The following GPC6 variants were observed in gnomAD, a reference collection of about 807,000 sequenced individuals.
The protein encoded by GPC6 is glypican 6.
Under a neutral mutation model 55.2 loss-of-function variants are expected in GPC6, and 14 were observed. That is an observed-to-expected ratio of 0.25 (90% CI 0.17 to 0.40). The LOEUF (loss-of-function observed/expected upper bound fraction) is 0.40, where lower values mean the gene tolerates loss of function less well. Among genes scored for constraint, GPC6 ranks in the 10% least tolerant of loss-of-function variants. GPC6 has a pLI of 1.00. For synonymous variants in GPC6, 278 were observed against 259.6 expected (o/e 1.07, Z -0.68); for missense variants, 641 against 708.5 (o/e 0.90, Z 1.08).
intron 3 of GPC6, among the ~76,000 whole-genome samples, chr13:93,892,296 TG>T (rs80027358): frequency 0.24 from 36,149 of 152,074 alleles, 4,803 homozygotes; most frequent in East Asian, 0.34. Context: ...ATATTTACAG[TG>T]AAAGTTCCTA....
Position 93,426,490 on chromosome 13 carries a change from G to C in GPC6, c.161-118773G>C, listed in dbSNP as rs902647521. Among the ~76,000 whole-genome samples the C allele has an allele frequency of 2.9e-4, 5 of 17,272 alleles. No individual in the cohort carries two copies. In the Non-Finnish European group the frequency reaches 0.014, roughly 50 times the overall value. 11.3% of individuals were successfully genotyped at this position (17,272 alleles called of 152,430 possible). A position where few individuals can be genotyped will look rare whatever the true frequency, so the allele number is the denominator to read the frequency against. On this transcript the variant is annotated intron_variant, in intron 1 of 8. Coordinates refer to ENST00000377047, the MANE Select transcript of GPC6 (RefSeq NM_005708.5). ...CTATGAGTGAGAATATGCAGTGTTTGGTTTTTTTGTTCTTGCGATAGTTTA... is the reference window on the plus strand; with the variant it reads ...CTATGAGTGAGAATATGCAGTGTTTCGTTTTTTTGTTCTTGCGATAGTTTA...
At chr13:93,364,926 C>G (rs1341903957) in intron 1 of GPC6, among the ~76,000 whole-genome samples, 1 of 151,852 alleles carries the variant, frequency 6.6e-6, no homozygotes, top group African/African-American at 2.4e-5. Flanking sequence ...TGGATCCTCC[C>G]CATCTTGTCT....
intron 3 of GPC6, among the ~76,000 whole-genome samples, chr13:93,910,300 C>T (rs1319030421): frequency 2.0e-5 from 3 of 152,128 alleles, no homozygotes; most frequent in Non-Finnish European, 4.4e-5. Context: ...TTGCCCACCA[C>T]CATGTGAGAA....
chr13:93,434,114 G>C (rs1284482675), intron 1 of GPC6, among the ~76,000 whole-genome samples: 1 of 152,200 alleles, frequency 6.6e-6, no homozygotes, highest in Admixed American at 6.5e-5. Flanking sequence ...TCCAGGGACT[G>C]CTTTGGCTCT....
chr13:93,360,264 G>A (rs1880998452), intron 1 of GPC6, among the ~76,000 whole-genome samples: 1 of 152,174 alleles, frequency 6.6e-6, no homozygotes, highest in African/African-American at 2.4e-5. Flanking sequence ...GATGGATTCA[G>A]AGACCAGACT....
chr13:94,246,496 T>G (rs1337337611), intron 4 of GPC6, among the ~76,000 whole-genome samples: 1 of 152,090 alleles, frequency 6.6e-6, no homozygotes, highest in Non-Finnish European at 1.5e-5. Context: ...TTTCAGATCT[T>G]ACATTTCAGA....
intron 2 of GPC6, among the ~76,000 whole-genome samples, chr13:93,577,250 G>T (rs1876710340): frequency 6.6e-6 from 1 of 152,110 alleles, no homozygotes; most frequent in South Asian, 2.1e-4. Context: ...ATGCCCACGG[G>T]TTCTCTAAAA....
At chr13:93,431,335 T>A (rs1877351393) in intron 1 of GPC6, among the ~76,000 whole-genome samples, 1 of 152,084 alleles carries the variant, frequency 6.6e-6, no homozygotes, top group Non-Finnish European at 1.5e-5. Flanking sequence ...AAAGGACACA[T>A]TTACTTAGAA....
intron 2 of GPC6, among the ~76,000 whole-genome samples, chr13:93,696,692 G>A (rs981553984): frequency 5.3e-5 from 8 of 149,546 alleles, no homozygotes; most frequent in Non-Finnish European, 1.0e-4. Context: ...CAGGATCTCA[G>A]CTTGCTGCAA....
chr13:94,355,141 A>C (rs1878732003), intron 6 of GPC6, among the ~76,000 whole-genome samples: 1 of 151,812 alleles, frequency 6.6e-6, no homozygotes, highest in Admixed American at 6.6e-5. Flanking sequence ...CTCCTGCCTC[A>C]GCCCCCCAAG....
chr13:94,124,239 G>A (rs1322590186), intron 4 of GPC6, among the ~76,000 whole-genome samples: 1 of 151,994 alleles, frequency 6.6e-6, no homozygotes, highest in Non-Finnish European at 1.5e-5. Context: ...TTACTTACAT[G>A]CCATTCAAAT....
At chr13:93,841,295 C>T (rs1887945413) in intron 3 of GPC6, among the ~76,000 whole-genome samples, 1 of 152,148 alleles carries the variant, frequency 6.6e-6, no homozygotes, top group Non-Finnish European at 1.5e-5. Context: ...GGGAATACGA[C>T]ATCCTAACAT....
At chr13:93,649,228 A>C (rs559346933) in intron 2 of GPC6, among the ~76,000 whole-genome samples, 5 of 152,166 alleles carry the variant, frequency 3.3e-5, no homozygotes, top group African/African-American at 1.2e-4. Flanking sequence ...AGGTGGTCAG[A>C]TTGCTTGAGC....
In GPC6 at chr13:93,796,532, A is replaced by G. The variant is rs111830800; in HGVS notation, c.320-33622A>G. On this transcript the variant is annotated intron_variant, in intron 2 of 8. Coordinates refer to ENST00000377047, the MANE Select transcript of GPC6 (RefSeq NM_005708.5). Reference sequence around the variant, plus strand: ...TTTTTTGAAAAAAATGACATTCTGAACATATTAAATGACGTTAAATTAAAA... The same window carrying G: ...TTTTTTGAAAAAAATGACATTCTGAGCATATTAAATGACGTTAAATTAAAA... Among the ~76,000 whole-genome samples the G allele has an allele frequency of 9.3e-3, 1,420 of 152,256 alleles. 18 individuals are homozygous for G. The highest frequency in any genetic ancestry group is 0.033 in the African/African-American group (1,362 of 41,562).
At chr13:93,368,374 T>A (rs143779884) in intron 1 of GPC6, among the ~76,000 whole-genome samples, 3 of 118,334 alleles carry the variant, frequency 2.5e-5, no homozygotes, top group Non-Finnish European at 5.5e-5. Context: ...CCTTCCTTCC[T>A]TCCTTCCTTC....
At chr13:93,719,797 C>A (rs1017263393) in intron 2 of GPC6, among the ~76,000 whole-genome samples, 1 of 151,506 alleles carries the variant, frequency 6.6e-6, no homozygotes, top group African/African-American at 2.4e-5. Context: ...GCATGAAGTC[C>A]TGTTTAATTT....
chr13:93,867,128 A>G (rs974434353), intron 3 of GPC6, among the ~76,000 whole-genome samples: 1 of 151,670 alleles, frequency 6.6e-6, no homozygotes, highest in Admixed American at 6.6e-5. Flanking sequence ...CAAAAATTTC[A>G]TTTACATGGA....
At chr13:93,248,073 C>T (rs1009288220) in intron 1 of GPC6, among the ~76,000 whole-genome samples, 3 of 152,198 alleles carry the variant, frequency 2.0e-5, no homozygotes, top group Non-Finnish European at 2.9e-5. Flanking sequence ...TATGTATACA[C>T]ATAAGCTGGT....
chr13:93,885,107 AATAG>A (rs1285140828), intron 3 of GPC6, among the ~76,000 whole-genome samples: 3 of 152,158 alleles, frequency 2.0e-5, no homozygotes, highest in African/African-American at 4.8e-5. Flanking sequence ...TAATGAGGAA[AATAG>A]ATAGATAAAC....
Sources: gnomAD v4.1 joint callset for allele counts (sites outside exome capture counted in the v4.1 genomes callset) on GRCh38, gnomAD v4.1.1 for gene constraint, MANE v1.5 for transcripts, NCBI Gene and HGNC (gene_info 2026-07-23, HGNC 2026-07-21) for gene names.